Variants in SMAD3 observed in about 807,000 individuals in gnomAD.
The protein encoded by SMAD3 is SMAD family member 3.
SMAD3 carries 12 observed loss-of-function variants against 51.8 expected under a neutral mutation model. The observed-to-expected ratio is 0.23, with a 90% CI of 0.15 to 0.38. The LOEUF is 0.38. Among genes scored for constraint, SMAD3 ranks in the 10% least tolerant of loss-of-function variants. The probability of loss-of-function intolerance (pLI) is 1.00; values close to 1 mark genes in which losing one functional copy is unlikely to be tolerated. For missense variants in SMAD3, 294 were observed against 565.6 expected, an observed-to-expected ratio of 0.52 and a Z score of 4.87; for synonymous variants, 238 against 227.7, an observed-to-expected ratio of 1.05 and a Z score of -0.41.
At chr15:67,157,443 A>T (rs1962313658) in intron 1 of SMAD3, among the ~76,000 whole-genome samples, 1 of 152,164 alleles carries the variant, frequency 6.6e-6, no homozygotes, top group Non-Finnish European at 1.5e-5. Context: ...TCTGCCATTT[A>T]CAAGTTATAT....
intron 1 of SMAD3, among the ~76,000 whole-genome samples, chr15:67,078,747 A>G (rs754529204): frequency 2.4e-4 from 37 of 152,148 alleles, no homozygotes; most frequent in African/African-American, 7.5e-4. Context: ...GGGGCAGCCT[A>G]TTGCTGCGGA....
At chr15:67,181,549 C>T (rs972049039) in intron 6 of SMAD3, 96 bp downstream of exon 6, 14 of 1,039,596 alleles carry the variant, frequency 1.3e-5, no homozygotes, top group Admixed American at 2.1e-5. Context: ...CTGAAGGGAA[C>T]CTTGCGTCCA....
At chr15:67,163,651 A>G (rs908691866) in intron 1 of SMAD3, among the ~76,000 whole-genome samples, 1 of 152,150 alleles carries the variant, frequency 6.6e-6, no homozygotes, top group African/African-American at 2.4e-5. Context: ...TACATTTTTA[A>G]CAAACTTCCC....
At chr15:67,096,446 T>C (rs1465634484) in intron 1 of SMAD3, among the ~76,000 whole-genome samples, 3 of 152,228 alleles carry the variant, frequency 2.0e-5, no homozygotes, top group African/African-American at 7.2e-5. Context: ...AGGCTTTTTA[T>C]ATTTGCAGTT....
intron 1 of SMAD3, among the ~76,000 whole-genome samples, chr15:67,124,253 T>C (rs1056993666): frequency 6.6e-6 from 1 of 152,186 alleles, no homozygotes; most frequent in Non-Finnish European, 1.5e-5. Context: ...CTTCCTGAAG[T>C]GGTAAGATTA....
rs993269498 is a variant in SMAD3, at chr15:67,074,835, G to A, written c.206+8475G>A. Among the ~76,000 whole-genome samples the A allele has an allele frequency of 6.6e-5, 10 of 152,182 alleles. No homozygotes were observed. The East Asian group carries it at 7.7e-4, about 12-fold the overall frequency. On this transcript the variant is annotated intron_variant, in intron 1 of 8. Coordinates refer to ENST00000327367, the MANE Select transcript of SMAD3 (RefSeq NM_005902.4). ...CTCCCATGTAGCTGGGACTACAGGC[G>A]CCCGCCACCATGCCCAGCTAATTTT...
intron 8 of SMAD3, among the ~76,000 whole-genome samples, chr15:67,188,568 T>A (rs905358767): frequency 6.6e-6 from 1 of 152,250 alleles, no homozygotes; most frequent in Admixed American, 6.5e-5. Context: ...GACCAAAGTT[T>A]GCGGAGAGGC....
intron 1 of SMAD3, among the ~76,000 whole-genome samples, chr15:67,069,341 A>G (rs188356269): frequency 9.2e-5 from 14 of 152,350 alleles, no homozygotes; most frequent in Non-Finnish European, 2.1e-4. Context: ...CACAAGTTTT[A>G]TAACAGCCTC....
intron 6 of SMAD3, among the ~76,000 whole-genome samples, chr15:67,183,869 GA>G: frequency 6.6e-6 from 1 of 152,108 alleles, no homozygotes; most frequent in South Asian, 2.1e-4. Context: ...ATTGAGGGAA[GA>G]AAAAAATAAG....
intron 6 of SMAD3, among the ~76,000 whole-genome samples, chr15:67,183,021 ATATATATATATTT>A (rs1386663186): frequency 1.4e-5 from 1 of 73,380 alleles, no homozygotes; most frequent in Non-Finnish European, 2.4e-5. Context: ...ATATATATAT[ATATATATATATTT>A]TTTTTTTTTT....
intron 1 of SMAD3, among the ~76,000 whole-genome samples, chr15:67,085,120 G>A (rs1489185728): frequency 2.6e-5 from 4 of 152,176 alleles, no homozygotes; most frequent in Non-Finnish European, 5.9e-5. Context: ...TAAGGCCAGT[G>A]AGGAGACTGA....
chr15:67,075,984 A>G (rs1399572514), intron 1 of SMAD3, among the ~76,000 whole-genome samples: 1 of 152,096 alleles, frequency 6.6e-6, no homozygotes, highest in Non-Finnish European at 1.5e-5. Context: ...ATCATAATAC[A>G]TAGTAGATGC....
intron 1 of SMAD3, among the ~76,000 whole-genome samples, chr15:67,148,807 A>G (rs1207758742): frequency 2.0e-5 from 3 of 152,246 alleles, no homozygotes; most frequent in African/African-American, 7.2e-5. Flanking sequence ...GAAGCTTACC[A>G]GTTGCTGATG....
At chr15:67,110,442 A>G (rs1960987069) in intron 1 of SMAD3, among the ~76,000 whole-genome samples, 1 of 152,218 alleles carries the variant, frequency 6.6e-6, no homozygotes, top group South Asian at 2.1e-4. Context: ...GTATGTATAT[A>G]AACAGAGTTG....
chr15:67,160,047 G>A lies in SMAD3; in HGVS notation c.207-4848G>A, dbSNP rs191773340. On this transcript the variant is annotated intron_variant, in intron 1 of 8. Transcript: ENST00000327367. Reference sequence around the variant, plus strand: ...TGGTGGATCATATGGTAGGCTTATGGTTTTTTAGCTTTTTAAGAAACTTCC... The same window carrying A: ...TGGTGGATCATATGGTAGGCTTATGATTTTTTAGCTTTTTAAGAAACTTCC... Among the ~76,000 whole-genome samples, 508 of 152,254 alleles carry A rather than the reference G, an allele frequency of 3.3e-3. 2 individuals are homozygous for A. Among genetic ancestry groups the A allele is most frequent in the African/African-American group, 0.01 (419 of 41,538 alleles).
intron 1 of SMAD3, among the ~76,000 whole-genome samples, chr15:67,130,309 T>A (rs1416255492): frequency 1.3e-5 from 2 of 152,176 alleles, no homozygotes; most frequent in Non-Finnish European, 2.9e-5. Context: ...TCCACTCACC[T>A]GACCTCCTTC....
chr15:67,115,680 C>T (rs566713850), intron 1 of SMAD3, among the ~76,000 whole-genome samples: 4 of 151,996 alleles, frequency 2.6e-5, no homozygotes, highest in African/African-American at 9.7e-5. Context: ...GGAGTCATGG[C>T]AAGGCTGATA....
intron 1 of SMAD3, among the ~76,000 whole-genome samples, chr15:67,151,482 G>A (rs188176887): frequency 4.1e-4 from 63 of 151,970 alleles, no homozygotes; most frequent in Non-Finnish European, 7.5e-4. Flanking sequence ...ACAGGCTTGC[G>A]CCACCATGCC....
In SMAD3 at chr15:67,125,766, G is replaced by A. The variant is rs11636161; in HGVS notation, c.207-39129G>A. 0.31 allele frequency: 304,562 copies of A among 985,384 alleles called. 49,195 individuals are homozygous for A. The highest frequency in any genetic ancestry group is 0.37 in the Middle Eastern group (702 of 1,912). 61.0% of individuals were successfully genotyped at this position (985,384 alleles called of 1,614,324 possible). ...GAGGATGACAGAGGAGCCTGCTGCT[G>A]AGTTCACTGGTGCTGGGGTTAGGTC... On this transcript the variant is annotated intron_variant, in intron 1 of 8. Coordinates refer to ENST00000327367, the MANE Select transcript of SMAD3 (RefSeq NM_005902.4).
Sources: allele counts gnomAD v4.1 joint callset (sites outside exome capture counted in the v4.1 genomes callset), GRCh38; gene constraint gnomAD v4.1.1; transcripts MANE v1.5; gene names NCBI Gene and HGNC (gene_info 2026-07-23, HGNC 2026-07-21).